Variants in DOCK1 observed in about 807,000 individuals in gnomAD.
DOCK1 encodes dedicator of cytokinesis protein 1.
DOCK1 carries 138 observed loss-of-function variants against 262.7 expected under a neutral mutation model. The ratio of observed to expected loss-of-function variants is 0.53; its 90% CI spans 0.46 to 0.61. The LOEUF (loss-of-function observed/expected upper bound fraction) is 0.61. DOCK1 is among the 20% of genes least tolerant of loss of function. DOCK1 has a pLI of 0.00. For missense variants in DOCK1, 1,908 were observed against 2,370.7 expected (o/e 0.80, Z 4.05); for synonymous variants, 866 against 867.4 (o/e 1.00, Z 0.03).
chr10:126,963,644 T>TCCCC (rs1591466079), intron 1 of DOCK1, among the ~76,000 whole-genome samples: 13 of 64,968 alleles, frequency 2.0e-4, no homozygotes, highest in East Asian at 7.0e-4. Flanking sequence ...CCTTCCCTCC[T>TCCCC]TCCTTCCTTC....
At chr10:127,266,709 T>C (rs1457242667) in intron 29 of DOCK1, among the ~76,000 whole-genome samples, 1 of 152,066 alleles carries the variant, frequency 6.6e-6, no homozygotes, top group East Asian at 1.9e-4. Flanking sequence ...GTGAAAAAAA[T>C]AGCAATTGAA....
At chr10:127,066,399 C>T (rs11018416) in intron 23 of DOCK1, among the ~76,000 whole-genome samples, 192 of 152,294 alleles carry the variant, frequency 1.3e-3, no homozygotes, top group Non-Finnish European at 2.0e-3. Context: ...TGGACCTGCC[C>T]CTTTTTTCCT....
chr10:127,124,206 C>A (rs989520882), intron 25 of DOCK1, among the ~76,000 whole-genome samples: 9 of 152,194 alleles, frequency 5.9e-5, no homozygotes, highest in African/African-American at 2.2e-4. Flanking sequence ...TCCAATGTTG[C>A]ATGCTTATAG....
intron 25 of DOCK1, among the ~76,000 whole-genome samples, chr10:127,117,335 TG>T (rs1405783206): frequency 1.3e-5 from 2 of 152,194 alleles, no homozygotes; most frequent in African/African-American, 4.8e-5. Flanking sequence ...TCCACCGCCG[TG>T]GTGCTGATTG....
chr10:126,915,435 G>A (rs551300870), intron 1 of DOCK1, among the ~76,000 whole-genome samples: 3 of 149,722 alleles, frequency 2.0e-5, no homozygotes, highest in African/African-American at 4.9e-5. Context: ...GGGGGCGGGG[G>A]GGGGATGGAG....
chr10:126,966,378 C>T (rs974807508), intron 1 of DOCK1, among the ~76,000 whole-genome samples: 5 of 152,182 alleles, frequency 3.3e-5, no homozygotes, highest in Non-Finnish European at 7.3e-5. Context: ...GCAGATGTGT[C>T]TCTGATACAC....
At chr10:127,053,001 C>T (rs2044848684) in intron 22 of DOCK1, among the ~76,000 whole-genome samples, 186 bp downstream of exon 22, 1 of 152,190 alleles carries the variant, frequency 6.6e-6, no homozygotes, top group African/African-American at 2.4e-5. Context: ...CCTTACCCGC[C>T]TGGGTCCCTG....
chr10:126,940,578 A>G (rs2034909321), intron 1 of DOCK1, among the ~76,000 whole-genome samples: 1 of 151,998 alleles, frequency 6.6e-6, no homozygotes, highest in African/African-American at 2.4e-5. Flanking sequence ...TAATTTTTGT[A>G]TTTTTAGTAG....
intron 1 of DOCK1, among the ~76,000 whole-genome samples, chr10:126,928,270 G>A (rs1455027532): frequency 6.6e-6 from 1 of 152,194 alleles, no homozygotes; most frequent in African/African-American, 2.4e-5. Context: ...CTCTTGCTGT[G>A]GGCCAGGGTT....
rs2044134406 is a variant in DOCK1, at chr10:127,043,225, G to A, written c.2201+61G>A. On this transcript the variant is annotated intron_variant, in intron 21 of 51. Coordinates refer to ENST00000623213, the MANE Select transcript of DOCK1 (RefSeq NM_001290223.2). ...TTTTTTGGTATTTGTGTTATTTAGA[G>A]TCTTTTTCATGTACTTTTGTCTATG... 3 of 1,321,696 alleles carry A rather than the reference G, an allele frequency of 2.3e-6. No individual in the cohort carries two copies. The South Asian group carries it at 3.9e-5, about 17-fold the overall frequency. 81.9% of individuals were successfully genotyped at this position (1,321,696 alleles called of 1,614,324 possible).
At chr10:127,281,108 G>C (rs1470101484) in intron 29 of DOCK1, among the ~76,000 whole-genome samples, 1 of 152,198 alleles carries the variant, frequency 6.6e-6, no homozygotes, top group Non-Finnish European at 1.5e-5. Flanking sequence ...TTCCAACGTG[G>C]CTGGAAGTGG....
At chr10:127,043,219 T>C in intron 21 of DOCK1, 55 bp downstream of exon 21, 2 of 1,355,550 alleles carry the variant, frequency 1.5e-6, no homozygotes, top group Non-Finnish European at 1.0e-6. Context: ...ATTTGTGTTA[T>C]TTAGAGTCTT....
chr10:127,388,666 A>G (rs2066278878), intron 38 of DOCK1, among the ~76,000 whole-genome samples: 1 of 152,202 alleles, frequency 6.6e-6, no homozygotes, highest in Non-Finnish European at 1.5e-5. Flanking sequence ...CCAGATGAAC[A>G]GAGGTTCCGC....
At chr10:127,440,169 G>T (rs1437878298) in intron 49 of DOCK1, among the ~76,000 whole-genome samples, 4 of 112,184 alleles carry the variant, frequency 3.6e-5, no homozygotes. Flanking sequence ...GGTGGGGGGT[G>T]GGGGGTGTGT....
At chr10:127,366,569 C>T (rs2064925317) in intron 33 of DOCK1, among the ~76,000 whole-genome samples, 1 of 152,226 alleles carries the variant, frequency 6.6e-6, no homozygotes, top group Admixed American at 6.5e-5. Context: ...GTATTTGTCT[C>T]TTGACTTGCT....
At chr10:127,398,534 C>T (rs187409747) in intron 38 of DOCK1, among the ~76,000 whole-genome samples, 120 of 152,320 alleles carry the variant, frequency 7.9e-4, no homozygotes, top group Admixed American at 1.4e-3. Context: ...CAGATTCTTC[C>T]GCACCAGTGA....
chr10:126,977,805 A>G, intron 2 of DOCK1, 143 bp from the exon 3 acceptor site: 2 of 794,120 alleles, frequency 2.5e-6, no homozygotes, highest in South Asian at 3.7e-5. Flanking sequence ...TATATCTCCA[A>G]AGCCTTAGGT....
At chr10:127,352,238 G>C (rs1423845437) in intron 31 of DOCK1, among the ~76,000 whole-genome samples, 1 of 93,514 alleles carries the variant, frequency 1.1e-5, no homozygotes, top group Non-Finnish European at 2.2e-5. Flanking sequence ...GGGTGGGGAG[G>C]GGTGGGGAGA....
chr10:127,022,826 C>G (rs1289398769), intron 13 of DOCK1, among the ~76,000 whole-genome samples: 1 of 152,164 alleles, frequency 6.6e-6, no homozygotes, highest in Non-Finnish European at 1.5e-5. Flanking sequence ...CTACTGAGGA[C>G]TCAGACAGCC....
Sources: allele counts gnomAD v4.1 joint callset (sites outside exome capture counted in the v4.1 genomes callset), GRCh38; gene constraint gnomAD v4.1.1; transcripts MANE v1.5; gene names NCBI Gene and HGNC (gene_info 2026-07-23, HGNC 2026-07-21).